RETN: variants seen among roughly 807,000 people sequenced by gnomAD.
The protein encoded by RETN is resistin, also known as C/EBP-epsilon regulated myeloid-specific secreted cysteine-rich protein precursor 1.
RETN carries 5 observed loss-of-function variants against 6.1 expected under a neutral mutation model. The observed-to-expected ratio is 0.82, with a 90% confidence interval of 0.43 to 1.73. RETN has a LOEUF of 1.73. RETN is among the 40% of genes most tolerant of loss of function. The pLI is 0.02. For synonymous variants in RETN, 62 were observed against 59.2 expected (o/e 1.05, Z -0.22); for missense variants, 168 against 142.5 (o/e 1.18, Z -0.91).
Position 7,669,471 on chromosome 19 carries a change from C to T in RETN, c.118+27C>T, listed in dbSNP as rs184303600. The stretch of plus-strand genomic sequence containing the variant: ...TGAGGACCCCCCACTTGGGCAAGCT[C>T]CCCAAGGGTCTCAGAGACCTCACTG... On this transcript the variant is annotated intron_variant, in intron 2 of 3. Transcript: ENST00000221515. 7 of 1,525,256 alleles carry T rather than the reference C, an allele frequency of 4.6e-6. No individual in the cohort carries two copies. The African/African-American group carries it at 8.2e-5, about 18-fold the overall frequency. 94.5% of individuals were successfully genotyped at this position (1,525,256 alleles called of 1,614,324 possible). A position where few individuals can be genotyped will look rare whatever the true frequency, so the allele number is the denominator to read the frequency against.
At chr19:7,669,270 C>A in intron 1 of RETN, 47 bp from the exon 2 acceptor site, 2 of 1,369,748 alleles carry the variant, frequency 1.5e-6, no homozygotes, top group Admixed American at 3.4e-5. Flanking sequence ...ATCTTCCCCA[C>A]AGGGCAGGGC....
intron 2 of RETN, 32 bp from the exon 3 acceptor site, chr19:7,669,789 C>CT (rs2032462015): frequency 1.9e-6 from 3 of 1,598,130 alleles, no homozygotes; most frequent in Admixed American, 3.3e-5. Context: ...GGTCTCACAG[C>CT]TCCCCCTGTC....
At position 7,670,452 on chromosome 19, in the gene RETN, ATG is replaced by A; in HGVS notation, c.*104_*105del. The A allele has an allele frequency of 2.8e-6, 3 of 1,084,252 alleles. No homozygotes were observed. Among genetic ancestry groups the A allele is most frequent in the Non-Finnish European group, 3.8e-6 (3 of 787,876 alleles). 67.2% of individuals were successfully genotyped at this position (1,084,252 alleles called of 1,614,324 possible). A position where few individuals can be genotyped will look rare whatever the true frequency, so the allele number is the denominator to read the frequency against. On this transcript the variant is annotated 3_prime_UTR_variant, in exon 4 of 4. Transcript: ENST00000221515. The stretch of plus-strand genomic sequence containing the variant: ...CCTGGAGATGATGATGATGATGATG[ATG>A]ATGATGATGGAGCGGATCTGAGCCC...
At chr19:7,670,076 G>C in intron 3 of RETN, 143 bp from the exon 4 acceptor site, 1 of 1,033,980 alleles carries the variant, frequency 9.7e-7, no homozygotes, top group Non-Finnish European at 1.4e-6. Context: ...CCTGCCTCCA[G>C]TGCCCATTCA....
chr19:7,669,727 G>A (rs919474999), intron 2 of RETN, 94 bp from the exon 3 acceptor site: 165 of 1,127,010 alleles, frequency 1.5e-4, no homozygotes, highest in Non-Finnish European at 2.1e-4. Flanking sequence ...ATGCCCACAG[G>A]GACCTAGCTC....
rs991039386 is a variant in RETN, at chr19:7,670,329, T to G, written c.307T>G (p.Cys103Gly). The change falls in exon 4 of 4, where the codon TGC becomes GGC. Residue 103 changes from cysteine to glycine, a missense_variant. Transcript: ENST00000221515. ...CAGMDWTGAR[C>G]CRVQP Reference sequence around the variant, plus strand: ...GGGCATGGACTGGACCGGAGCGCGCTGCTGTCGTGTGCAGCCCTGAGGTCG... The same window carrying G: ...GGGCATGGACTGGACCGGAGCGCGCGGCTGTCGTGTGCAGCCCTGAGGTCG... 3.8e-6 allele frequency: 6 copies of G among 1,560,050 alleles called. No homozygotes were observed. The highest frequency in any genetic ancestry group is 4.3e-6 in the Non-Finnish European group (5 of 1,157,828).
At chr19:7,669,702 G>A (rs1314453312) in intron 2 of RETN, 119 bp from the exon 3 acceptor site, 7 of 871,848 alleles carry the variant, frequency 8.0e-6, no homozygotes, top group East Asian at 5.1e-5. Context: ...GGGTCCTGGA[G>A]GCCAGTGAGC....
chr19:7,669,714 C>A, intron 2 of RETN, 107 bp from the exon 3 acceptor site: 1 of 986,884 alleles, frequency 1.0e-6, no homozygotes, highest in South Asian at 1.3e-5. Flanking sequence ...CCAGTGAGCT[C>A]CTATGCCCAC....
Position 7,669,369 on chromosome 19 carries a change from T to C in RETN, c.43T>C (p.Leu15=), listed in dbSNP as rs1183294268. ...CCTCCTCCTCCCTGTCCTGGGGCTG[T>C]TGGTGTCTAGCAAGACCCTGTGCTC... is the stretch of plus-strand genomic sequence containing the variant. The part of the protein sequence containing the change: ...CLLLLPVLGL[L]VSSKTLCSME... Residue 15 remains leucine, a synonymous_variant, in exon 2 of 4, where the codon TTG becomes CTG. Transcript: ENST00000221515. The C allele has an allele frequency of 2.5e-6, 4 of 1,613,978 alleles. No individual in the cohort carries two copies. The highest frequency in any genetic ancestry group is 2.2e-5 in the East Asian group (1 of 44,844).
chr19:7,669,210 G>A (rs1451147074), intron 1 of RETN, 89 bp downstream of exon 1: 1 of 782,810 alleles, frequency 1.3e-6, no homozygotes, highest in East Asian at 2.5e-5. Context: ...CCCACATGGG[G>A]GGACAGGGGT....
Position 7,669,433 on chromosome 19 carries a change from C to A in RETN, c.107C>A (p.Ala36Asp), listed in dbSNP as rs146364799. The A allele has an allele frequency of 1.9e-6, 3 of 1,613,346 alleles. No individual in the cohort carries two copies. In the African/African-American group the frequency reaches 4.0e-5, roughly 22 times the overall value. The change falls in exon 2 of 4, where the codon GCC becomes GAC. Residue 36 changes from alanine (A) to aspartate (D), a missense_variant. Physicochemically the swap from Ala to Asp is moderately radical, Grantham distance 126. Coordinates refer to ENST00000221515, the MANE Select transcript of RETN (RefSeq NM_020415.4). ...EAINERIQEVAGSLIFRAISS... is the reference protein window; with the variant it reads ...EAINERIQEVDGSLIFRAISS... ...ATCAATGAGAGGATCCAGGAGGTCG[C>A]CGGCTCCCTAAGTGAGGACCCCCCA...
Position 7,669,331 on chromosome 19 carries a change from A to G in RETN, c.5A>G (p.Lys2Arg). ...CCCTCTTTCAGCGCCTGCAGGATGA[A>G]AGCTCTCTGTCTCCTCCTCCTCCCT... M[K>R]ALCLLLLPVL... Residue 2 changes from lysine to arginine, a missense_variant, in exon 2 of 4, where the codon AAA becomes AGA. Physicochemically the swap from Lys to Arg is conservative, Grantham distance 26. Coordinates refer to ENST00000221515, the MANE Select transcript of RETN (RefSeq NM_020415.4). The G allele has an allele frequency of 6.2e-7, 1 of 1,612,762 alleles. No individual in the cohort carries two copies. The highest frequency in any genetic ancestry group is 1.1e-5 in the South Asian group (1 of 91,054).
Position 7,669,130 on chromosome 19 carries a change from C to T in RETN, c.-11+9C>T, listed in dbSNP as rs934574486. On this transcript the variant is annotated intron_variant, in intron 1 of 3. Coordinates refer to ENST00000221515, the MANE Select transcript of RETN (RefSeq NM_020415.4). ...CTGAGCCCACCGAGAGGGTAAGTGA[C>T]AGCTGCTCCTGCGCTTGCCATGGCA... 11 of 577,028 alleles carry T rather than the reference C, an allele frequency of 1.9e-5. No homozygotes were observed. Among genetic ancestry groups the T allele is most frequent in the African/African-American group, 5.6e-5 (3 of 53,432 alleles). The allele number at this position is 577,028 out of a possible 1,614,324, so 35.7% of individuals were successfully genotyped here. A position where few individuals can be genotyped will look rare whatever the true frequency, so the allele number is the denominator to read the frequency against.
chr19:7,670,355 CGCGCAGCGCGT>C lies in RETN; in HGVS notation c.*9_*19del, dbSNP rs1327980680. The stretch of plus-strand genomic sequence containing the variant: ...GCTGTCGTGTGCAGCCCTGAGGTCG[CGCGCAGCGCGT>C]GCACAGCGCGGGCGGAGGCGGCTCC... On this transcript the variant is annotated 3_prime_UTR_variant, in exon 4 of 4. Transcript: ENST00000221515. 6.5e-7 allele frequency: 1 copy of C among 1,545,172 alleles called. No homozygotes were observed. The highest frequency in any genetic ancestry group is 1.4e-5 in the African/African-American group (1 of 73,464).
chr19:7,670,349 A>C lies in RETN; in HGVS notation c.327A>C (p.Ter109CysextTer?). Residue 109 changes from the stop codon to cysteine (C), a stop_lost, in exon 4 of 4, where the codon TGA becomes TGC. Coordinates refer to ENST00000221515, the MANE Select transcript of RETN (RefSeq NM_020415.4). ...TGARCCRVQP[*>C] Reference sequence around the variant, plus strand: ...CGCGCTGCTGTCGTGTGCAGCCCTGAGGTCGCGCGCAGCGCGTGCACAGCG... The same window carrying C: ...CGCGCTGCTGTCGTGTGCAGCCCTGCGGTCGCGCGCAGCGCGTGCACAGCG... The C allele has an allele frequency of 6.5e-7, 1 of 1,549,062 alleles. No individual in the cohort carries two copies. Among genetic ancestry groups the C allele is most frequent in the Non-Finnish European group, 8.7e-7 (1 of 1,151,762 alleles).
chr19:7,670,346 C>T lies in RETN; in HGVS notation c.324C>T (p.Pro108=), dbSNP rs1227288587. The change falls in exon 4 of 4, where the codon CCC becomes CCT. Residue 108 remains proline, a synonymous_variant. Coordinates refer to ENST00000221515, the MANE Select transcript of RETN (RefSeq NM_020415.4). ...GAGCGCGCTGCTGTCGTGTGCAGCC[C>T]TGAGGTCGCGCGCAGCGCGTGCACA... ...WTGARCCRVQ[P] is the part of the protein sequence containing the mutation. 2 of 1,550,722 alleles carry T rather than the reference C, an allele frequency of 1.3e-6. No homozygotes were observed. The highest frequency in any genetic ancestry group is 1.9e-5 in the Admixed American group (1 of 52,774).
At position 7,669,392 on chromosome 19, in the gene RETN, C is replaced by G; in HGVS notation, c.66C>G (p.Cys22Trp). 6.2e-7 allele frequency: 1 copy of G among 1,614,036 alleles called. No individual in the cohort carries two copies. Among genetic ancestry groups the G allele is most frequent in the Non-Finnish European group, 8.5e-7 (1 of 1,179,988 alleles). The change falls in exon 2 of 4, where the codon TGC (cysteine) becomes TGG (tryptophan). Residue 22 changes from cysteine (C) to tryptophan (W), a missense_variant. Transcript: ENST00000221515. The part of the protein sequence containing the change: ...LGLLVSSKTL[C>W]SMEEAINERI... ...TGTTGGTGTCTAGCAAGACCCTGTG[C>G]TCCATGGAAGAAGCCATCAATGAGA... is the stretch of plus-strand genomic sequence containing the variant.
rs2032462540 is a variant in RETN, at chr19:7,669,807, C to T, written c.119-14C>T. The T allele has an allele frequency of 6.2e-7, 1 of 1,613,104 alleles. No individual in the cohort carries two copies. The highest frequency in any genetic ancestry group is 8.5e-7 in the Non-Finnish European group (1 of 1,179,118). On this transcript the variant is annotated splice_polypyrimidine_tract_variant and intron_variant, in intron 2 of 3. Transcript: ENST00000221515. ...CTCACAGCTCCCCCTGTCTCCTTTCCTCCTGCCCCCCAGTATTTAGGGCAA... is the reference window on the plus strand; with the variant it reads ...CTCACAGCTCCCCCTGTCTCCTTTCTTCCTGCCCCCCAGTATTTAGGGCAA...
Position 7,669,111 on chromosome 19 carries a change from C to T in RETN, c.-21C>T, listed in dbSNP as rs2032445533. ...GTGTGCCGGATTTGGTTAGCTGAGC[C>T]CACCGAGAGGGTAAGTGACAGCTGC... is the stretch of plus-strand genomic sequence containing the variant. On this transcript the variant is annotated 5_prime_UTR_variant, in exon 1 of 4. Coordinates refer to ENST00000221515, the MANE Select transcript of RETN (RefSeq NM_020415.4). 1.8e-6 allele frequency: 1 copy of T among 549,966 alleles called. No homozygotes were observed. The highest frequency in any genetic ancestry group is 1.9e-5 in the African/African-American group (1 of 52,838). 34.1% of individuals were successfully genotyped at this position (549,966 alleles called of 1,614,324 possible).
Sources: gnomAD v4.1 joint callset for allele counts on GRCh38, gnomAD v4.1.1 for gene constraint, MANE v1.5 for transcripts, NCBI Gene and HGNC (gene_info 2026-07-23, HGNC 2026-07-21) for gene names.